Variants in DLG2 observed in about 807,000 individuals in gnomAD.
DLG2 encodes disks large homolog 2.
DLG2 carries 45 observed loss-of-function variants against 132.5 expected under a neutral mutation model. The observed-to-expected ratio is 0.34, with a 90% CI of 0.27 to 0.44. The LOEUF is 0.44. Ranked by LOEUF, DLG2 falls within the 20% of genes least tolerant of loss-of-function variation. The pLI, the probability that DLG2 is intolerant of heterozygous loss-of-function variation, is 1.00. For missense variants in DLG2, 1,045 were observed against 1,196.9 expected (o/e 0.87, Z 1.87); for synonymous variants, 424 against 419.6 (o/e 1.01, Z -0.13).
At chr11:83,822,610 C>T (rs760395342) in intron 17 of DLG2, among the ~76,000 whole-genome samples, 5 of 152,180 alleles carry the variant, frequency 3.3e-5, no homozygotes, top group Admixed American at 6.5e-5. Flanking sequence ...GTGTAAGGTG[C>T]ATGGAGAAAC....
intron 3 of DLG2, among the ~76,000 whole-genome samples, chr11:85,346,138 A>G (rs941205803): frequency 6.6e-6 from 1 of 151,968 alleles, no homozygotes; most frequent in African/African-American, 2.4e-5. Flanking sequence ...GCTTGTATAT[A>G]TGAGATGTGC....
chr11:83,537,834 AAGAG>A (rs1491039391), intron 20 of DLG2, among the ~76,000 whole-genome samples: 5 of 110,784 alleles, frequency 4.5e-5, no homozygotes, highest in Non-Finnish European at 8.7e-5. Context: ...AAAAAAAAAA[AAGAG>A]AGAGAGAGAT....
intron 3 of DLG2, among the ~76,000 whole-genome samples, chr11:85,440,761 C>T (rs771478621): frequency 4.6e-5 from 7 of 152,148 alleles, no homozygotes; most frequent in Non-Finnish European, 5.9e-5. Flanking sequence ...AGACTAGGCT[C>T]TTTATAAGTG....
intron 6 of DLG2, among the ~76,000 whole-genome samples, chr11:85,001,810 A>G (rs1207700827): frequency 6.6e-6 from 1 of 152,196 alleles, no homozygotes; most frequent in Non-Finnish European, 1.5e-5. Flanking sequence ...CAACAAATGT[A>G]CCACTCAGGT....
intron 8 of DLG2, among the ~76,000 whole-genome samples, chr11:84,210,531 TA>T (rs34149459): frequency 0.014 from 686 of 50,592 alleles, 8 homozygotes; most frequent in Admixed American, 0.092. Flanking sequence ...AAACTTAAAT[TA>T]AAAAAAAAAA....
intron 6 of DLG2, among the ~76,000 whole-genome samples, chr11:85,054,170 C>T (rs1593304040): frequency 6.6e-6 from 1 of 151,236 alleles, no homozygotes; most frequent in South Asian, 2.1e-4. Flanking sequence ...GAGGCTGAGG[C>T]ACGAGAATCG....
At chr11:83,566,715 GT>G (rs2096715168) in intron 19 of DLG2, among the ~76,000 whole-genome samples, 1 of 59,320 alleles carries the variant, frequency 1.7e-5, no homozygotes, top group Non-Finnish European at 3.0e-5. Context: ...AGGGCATGGT[GT>G]GTGTGTGTGT....
chr11:83,986,297 A>G (rs1456422044), intron 11 of DLG2, among the ~76,000 whole-genome samples: 3 of 150,740 alleles, frequency 2.0e-5, no homozygotes, highest in African/African-American at 4.9e-5. Context: ...CCTATGAGTG[A>G]GAATATGCGG....
At chr11:85,487,111 C>G (rs534727453) in intron 3 of DLG2, among the ~76,000 whole-genome samples, 1 of 149,692 alleles carries the variant, frequency 6.7e-6, no homozygotes, top group South Asian at 2.1e-4. Context: ...ACTTCCTATT[C>G]AGCCAACAAT....
chr11:84,305,379 G>A (rs749552083), intron 7 of DLG2, among the ~76,000 whole-genome samples: 1 of 152,126 alleles, frequency 6.6e-6, no homozygotes, highest in Non-Finnish European at 1.5e-5. Context: ...TAAATTCTAG[G>A]TTAAAAATTA....
intron 10 of DLG2, among the ~76,000 whole-genome samples, chr11:84,093,721 T>C (rs11822715): frequency 0.01 from 1,534 of 152,152 alleles, 20 homozygotes; most frequent in African/African-American, 0.035. Flanking sequence ...TTCAAGCCAT[T>C]CTCCTGCCTC....
chr11:83,949,779 C>A (rs1294542131), intron 14 of DLG2, among the ~76,000 whole-genome samples: 1 of 151,986 alleles, frequency 6.6e-6, no homozygotes, highest in Non-Finnish European at 1.5e-5. Context: ...TATCCAGTTC[C>A]AAAAGTCATG....
intron 11 of DLG2, among the ~76,000 whole-genome samples, chr11:84,058,147 A>AT (rs1378963689): frequency 2.0e-5 from 3 of 152,082 alleles, no homozygotes; most frequent in Non-Finnish European, 2.9e-5. Context: ...TGGTAGGCTT[A>AT]TTTTTTCAAT....
chr11:84,604,335 A>G (rs1469630889), intron 6 of DLG2, among the ~76,000 whole-genome samples: 1 of 151,966 alleles, frequency 6.6e-6, no homozygotes, highest in Non-Finnish European at 1.5e-5. Flanking sequence ...AATTGAAGAA[A>G]GTTCAGCGTG....
intron 6 of DLG2, among the ~76,000 whole-genome samples, chr11:84,904,954 C>T (rs1043834040): frequency 2.0e-5 from 3 of 152,150 alleles, no homozygotes; most frequent in African/African-American, 4.8e-5. Flanking sequence ...GACAGGGTCT[C>T]GCTCTGTCGC....
rs1334597684 is a variant in DLG2, at chr11:85,443,970, C to T, written c.40+154687G>A. On this transcript the variant is annotated intron_variant, in intron 3 of 27. Transcript: ENST00000376104. Reference sequence around the variant, plus strand: ...CCAGCTCTTTATATTCTTCACCAGCCTTCTCTATTTTGTTTTTACCATTGT... The same window carrying T: ...CCAGCTCTTTATATTCTTCACCAGCTTTCTCTATTTTGTTTTTACCATTGT... Among the ~76,000 whole-genome samples the T allele has an allele frequency of 2.0e-5, 3 of 152,284 alleles. No individual in the cohort carries two copies. In the East Asian group the frequency reaches 5.8e-4, roughly 29 times the overall value.
intron 4 of DLG2, among the ~76,000 whole-genome samples, chr11:85,216,885 G>C (rs895973077): frequency 1.3e-5 from 2 of 151,868 alleles, no homozygotes; most frequent in South Asian, 4.2e-4. Flanking sequence ...TATTAGAGAC[G>C]GGGTTTCACT....
chr11:85,169,027 T>G (rs1455351169), intron 4 of DLG2, among the ~76,000 whole-genome samples: 1 of 152,126 alleles, frequency 6.6e-6, no homozygotes, highest in African/African-American at 2.4e-5. Flanking sequence ...TACCAAAATT[T>G]GTGTATGCTC....
chr11:84,694,394 G>T (rs1156595691), intron 6 of DLG2, among the ~76,000 whole-genome samples: 1 of 151,594 alleles, frequency 6.6e-6, no homozygotes, highest in African/African-American at 2.4e-5. Flanking sequence ...ACTAATATTT[G>T]TAAGAAAACT....
Sources: gnomAD v4.1 joint callset for allele counts (sites outside exome capture counted in the v4.1 genomes callset) on GRCh38, gnomAD v4.1.1 for gene constraint, MANE v1.5 for transcripts, NCBI Gene and HGNC (gene_info 2026-07-23, HGNC 2026-07-21) for gene names.